The following LCP2 variants were observed in gnomAD, a reference collection of about 807,000 sequenced individuals.
LCP2 encodes the protein lymphocyte cytosolic protein 2.
LCP2 carries 29 observed loss-of-function variants against 74.5 expected under a neutral mutation model. The ratio of observed to expected loss-of-function variants is 0.39; its 90% CI spans 0.29 to 0.53. LCP2 has a LOEUF of 0.53. LCP2 is among the 20% of genes least tolerant of loss of function. LCP2 has a pLI of 0.72. For missense variants in LCP2, 604 were observed against 634.6 expected (o/e 0.95, Z 0.52); for synonymous variants, 228 against 229.5 (o/e 0.99, Z 0.06).
chr5:170,271,003 C>T, intron 6 of LCP2, 86 bp from the exon 7 acceptor site: 2 of 1,209,080 alleles, frequency 1.7e-6, no homozygotes, highest in Non-Finnish European at 2.3e-6. Flanking sequence ...CCTGCCAAGC[C>T]TCACAACAGT....
At chr5:170,271,288 C>T (rs1761893623) in intron 6 of LCP2, among the ~76,000 whole-genome samples, 1 of 152,180 alleles carries the variant, frequency 6.6e-6, no homozygotes, top group South Asian at 2.1e-4. Context: ...AGGCCTGGAG[C>T]ATTTGTGATG....
At chr5:170,275,987 T>A in intron 3 of LCP2, 127 bp from the exon 4 acceptor site, 1 of 719,244 alleles carries the variant, frequency 1.4e-6, no homozygotes. Flanking sequence ...AGGCTCCTCT[T>A]TGTCACCTCT....
Position 170,266,807 on chromosome 5 carries a change from C to G in LCP2, c.772+1G>C. The G allele has an allele frequency of 6.2e-7, 1 of 1,611,830 alleles. No individual in the cohort carries two copies. The highest frequency in any genetic ancestry group is 8.5e-7 in the Non-Finnish European group (1 of 1,177,918). On this transcript the variant is annotated splice_donor_variant, in intron 10 of 20. Transcript: ENST00000046794. LOFTEE classifies it high-confidence loss of function. ...ATGCATTAAATGTGAATCATACCCA[C>G]CTAGTGTGAAGGGTTCTCTATCAAA...
intron 18 of LCP2, among the ~76,000 whole-genome samples, chr5:170,252,731 C>T (rs1429642335): frequency 1.3e-5 from 2 of 152,154 alleles, no homozygotes; most frequent in African/African-American, 4.8e-5. Flanking sequence ...GCAAAAATGC[C>T]TGTGAATAAG....
intron 10 of LCP2, among the ~76,000 whole-genome samples, chr5:170,263,407 G>C (rs191792713): frequency 1.3e-5 from 2 of 152,108 alleles, no homozygotes; most frequent in African/African-American, 4.8e-5. Context: ...CACTTGCCAC[G>C]GAGAGGGTAA....
chr5:170,292,058 G>A (rs904632068), intron 2 of LCP2, among the ~76,000 whole-genome samples: 1 of 152,160 alleles, frequency 6.6e-6, no homozygotes, highest in African/African-American at 2.4e-5. Flanking sequence ...ATCTGCAAAT[G>A]AGGTAGTTGG....
intron 6 of LCP2, chr5:170,273,903 GTGTCCATTTT>G (rs1196656975): frequency 1.2e-5 from 2 of 165,374 alleles, no homozygotes; most frequent in African/African-American, 5.9e-5. Context: ...ATTTCTAGGA[GTGTCCATTTT>G]TGGAGACGGG....
At chr5:170,284,144 T>G (rs1008785060) in intron 3 of LCP2, among the ~76,000 whole-genome samples, 9 of 152,210 alleles carry the variant, frequency 5.9e-5, no homozygotes, top group African/African-American at 2.2e-4. Context: ...ATATTAATCT[T>G]GTATAGGGAC....
intron 2 of LCP2, among the ~76,000 whole-genome samples, chr5:170,290,966 AAGAAAGAAAGAAAG>A (rs1561979010): frequency 8.8e-4 from 59 of 66,678 alleles, no homozygotes; most frequent in South Asian, 2.1e-3. Flanking sequence ...GAAAGAAAGA[AAGAAAGAAAGAAAG>A]AAAGAAAGAA....
intron 20 of LCP2, among the ~76,000 whole-genome samples, chr5:170,250,055 T>G (rs1428005232): frequency 6.6e-6 from 1 of 152,246 alleles, no homozygotes; most frequent in Non-Finnish European, 1.5e-5. Flanking sequence ...GCAGAAGTTA[T>G]GGGTAAGCTG....
At position 170,256,553 on chromosome 5, in the gene LCP2, C is replaced by T. The variant is rs1441590403; in HGVS notation, c.1123G>A (p.Ala375Thr). 1 of 1,613,198 alleles carries T rather than the reference C, an allele frequency of 6.2e-7. No individual in the cohort carries two copies. The highest frequency in any genetic ancestry group is 8.5e-7 in the Non-Finnish European group (1 of 1,179,234). The change falls in exon 17 of 21, where the codon GCC (alanine) becomes ACC (threonine). Residue 375 changes from alanine (A) to threonine (T), a missense_variant. Transcript: ENST00000046794. This position sits in a 1 kb window ranked among gnomAD's most constrained non-coding sequence, Gnocchi z 4.5. ...SESNSSFPQS[A>T]SLPPYFSQGP... is the part of the protein sequence containing the mutation. ...TGAGAGAAGTATGGTGGCAGGGAGG[C>T]ACTCTGTGGAAAACTGCTGTTACTG...
At chr5:170,257,356 T>C (rs894308798) in intron 16 of LCP2, among the ~76,000 whole-genome samples, 2 of 152,148 alleles carry the variant, frequency 1.3e-5, no homozygotes, top group Non-Finnish European at 2.9e-5. Context: ...GTGAGAATCC[T>C]GCTAGGAGTT....
chr5:170,288,856 G>C lies in LCP2; in HGVS notation c.142-840C>G, dbSNP rs566512774. 2.0e-5 allele frequency among the ~76,000 whole-genome samples: 3 copies of C among 152,284 alleles called. No homozygotes were observed. The East Asian group carries it at 5.8e-4, about 29-fold the overall frequency. On this transcript the variant is annotated intron_variant, in intron 2 of 20. Coordinates refer to ENST00000046794, the MANE Select transcript of LCP2 (RefSeq NM_005565.5). ...GTGGCCTATGTTGGAGAGGATTATG[G>C]GGGGAAAGGTGAAAGGAGGCATCTG... is the stretch of plus-strand genomic sequence containing the variant.
intron 10 of LCP2, 79 bp downstream of exon 10, chr5:170,266,729 G>T: frequency 8.6e-7 from 1 of 1,169,156 alleles, no homozygotes; most frequent in Non-Finnish European, 1.3e-6. Flanking sequence ...AAATGAGATG[G>T]TACATGTGAA....
rs1761320207 is a variant in LCP2, at chr5:170,247,291, A to G, written c.*1406T>C. ...AACTGAGAACTTCTGGTTGTTAAGG[A>G]TGAGATTTTGTGAAACACCATTTTT... On this transcript the variant is annotated 3_prime_UTR_variant, in exon 21 of 21. Coordinates refer to ENST00000046794, the MANE Select transcript of LCP2 (RefSeq NM_005565.5). The G allele has an allele frequency of 6.6e-6, 1 of 152,224 alleles. No homozygotes were observed. Among genetic ancestry groups the G allele is most frequent in the African/African-American group, 2.4e-5 (1 of 41,452 alleles). The allele number at this position is 152,224 out of a possible 1,614,324, so 9.4% of individuals were successfully genotyped here.
At chr5:170,254,978 A>T (rs1178085011) in intron 17 of LCP2, among the ~76,000 whole-genome samples, 3 of 152,216 alleles carry the variant, frequency 2.0e-5, no homozygotes, top group African/African-American at 7.2e-5. Context: ...GATCAAGCTA[A>T]TGTTCCAAAA....
At chr5:170,262,483 G>A (rs1761671790) in intron 13 of LCP2, among the ~76,000 whole-genome samples, 152 bp downstream of exon 13, 1 of 152,232 alleles carries the variant, frequency 6.6e-6, no homozygotes, top group Non-Finnish European at 1.5e-5. Flanking sequence ...TAGCCAACCT[G>A]TGAAGCCTGA....
intron 13 of LCP2, among the ~76,000 whole-genome samples, chr5:170,261,922 A>AT (rs1344580550): frequency 1.3e-5 from 2 of 152,024 alleles, no homozygotes; most frequent in Admixed American, 1.3e-4. Context: ...ATTTATTTTG[A>AT]TTTTTTAAAA....
intron 17 of LCP2, among the ~76,000 whole-genome samples, chr5:170,254,393 C>T (rs1761512324): frequency 6.6e-6 from 1 of 152,150 alleles, no homozygotes; most frequent in Non-Finnish European, 1.5e-5. Context: ...AGAGGAGAGT[C>T]ACCTGTAAGG....
Sources: gnomAD v4.1 joint callset for allele counts (sites outside exome capture counted in the v4.1 genomes callset) on GRCh38, gnomAD v4.1.1 for gene constraint, Gnocchi (gnomAD v3.1) non-coding constraint, MANE v1.5 for transcripts, NCBI Gene and HGNC (gene_info 2026-07-23, HGNC 2026-07-21) for gene names.